Variants in SLC15A5 observed in about 807,000 individuals in gnomAD.
SLC15A5 encodes the protein Peptide/histidine transporter ENSP00000340402.
In SLC15A5, 58 loss-of-function variants were observed where a neutral mutation model predicts 56.1. The ratio of observed to expected loss-of-function variants is 1.03; its 90% CI spans 0.84 to 1.29. The LOEUF is 1.29. Among genes scored for constraint, SLC15A5 ranks in the 50% most tolerant of loss-of-function variants. The pLI is 0.00. For synonymous variants in SLC15A5, 264 were observed against 250.5 expected, an observed-to-expected ratio of 1.05 and a Z score of -0.51; for missense variants, 681 against 672.1, an observed-to-expected ratio of 1.01 and a Z score of -0.15.
At position 16,235,701 on chromosome 12, in the gene SLC15A5, C is replaced by T. The variant is rs1864346702; in HGVS notation, c.1162+3980G>A. On this transcript the variant is annotated intron_variant, in intron 5 of 8. Transcript: ENST00000344941. This position sits in a 1 kb window ranked among gnomAD's most constrained non-coding sequence, Gnocchi z 4.1. ...CCTATCAAGTATTTTACAATGGGTA[C>T]ATACCATGATGTTTCTTGGGAAAAT... Among the ~76,000 whole-genome samples the T allele has an allele frequency of 6.6e-6, 1 of 152,094 alleles. No homozygotes were observed. Among genetic ancestry groups the T allele is most frequent in the Admixed American group, 6.6e-5 (1 of 15,254 alleles).
chr12:16,240,091 T>G (rs1415519334), intron 4 of SLC15A5, among the ~76,000 whole-genome samples: 1 of 152,214 alleles, frequency 6.6e-6, no homozygotes, highest in Non-Finnish European at 1.5e-5. Flanking sequence ...CATGAAATAC[T>G]CTATCATCAT....
intron 3 of SLC15A5, among the ~76,000 whole-genome samples, chr12:16,253,189 A>G (rs1325630362): frequency 2.0e-5 from 3 of 152,174 alleles, no homozygotes; most frequent in South Asian, 2.1e-4. Flanking sequence ...GGAAGAAACT[A>G]TAGGGCAACA....
chr12:16,231,951 T>C (rs1864303783), intron 5 of SLC15A5, among the ~76,000 whole-genome samples: 1 of 152,222 alleles, frequency 6.6e-6, no homozygotes, highest in Non-Finnish European at 1.5e-5. Flanking sequence ...CATAATAATA[T>C]GACTGGTTCC....
Position 16,243,153 on chromosome 12 carries a change from A to G in SLC15A5, c.975+1427T>C, listed in dbSNP as rs1864428884. On this transcript the variant is annotated intron_variant, in intron 4 of 8. Transcript: ENST00000344941. This position sits in a 1 kb window ranked among gnomAD's most constrained non-coding sequence, Gnocchi z 4.4. ...AAACAAAGAGCATGGCTATGTTCTG[A>G]TAAAACTTCATTTATGGACGCTAAA... is the stretch of plus-strand genomic sequence containing the variant. Among the ~76,000 whole-genome samples the G allele has an allele frequency of 6.6e-6, 1 of 152,120 alleles. No individual in the cohort carries two copies. Among genetic ancestry groups the G allele is most frequent in the Admixed American group, 6.5e-5 (1 of 15,276 alleles).
chr12:16,247,908 G>A (rs1864478388), intron 3 of SLC15A5, among the ~76,000 whole-genome samples: 1 of 152,086 alleles, frequency 6.6e-6, no homozygotes, highest in Non-Finnish European at 1.5e-5. Flanking sequence ...TAGCTGCATG[G>A]ATAATGAATT....
intron 7 of SLC15A5, among the ~76,000 whole-genome samples, chr12:16,206,952 A>C (rs1864025516): frequency 6.6e-6 from 1 of 152,198 alleles, no homozygotes. Flanking sequence ...AAAACCCATC[A>C]AGATAGTGTG....
chr12:16,276,524 ATCTC>A (rs962822798), intron 1 of SLC15A5, among the ~76,000 whole-genome samples: 4 of 151,824 alleles, frequency 2.6e-5, no homozygotes, highest in Non-Finnish European at 5.9e-5. Flanking sequence ...AGATTTTCTG[ATCTC>A]TCTCTATTTA....
chr12:16,242,778 G>C (rs1020952430), intron 4 of SLC15A5, among the ~76,000 whole-genome samples: 1 of 152,184 alleles, frequency 6.6e-6, no homozygotes, highest in African/African-American at 2.4e-5. Flanking sequence ...GCATTATGAA[G>C]GTAAGGAACT....
chr12:16,190,340 A>G (rs566568678), intron 8 of SLC15A5, among the ~76,000 whole-genome samples: 1 of 152,282 alleles, frequency 6.6e-6, no homozygotes, highest in African/African-American at 2.4e-5. Context: ...AGATTAAGAA[A>G]CTGAAGTTTC....
intron 2 of SLC15A5, among the ~76,000 whole-genome samples, chr12:16,258,320 A>G (rs925624583): frequency 3.3e-5 from 5 of 152,220 alleles, no homozygotes; most frequent in Admixed American, 2.0e-4. Context: ...ATAGGAAAAC[A>G]CAAATACTCA....
At chr12:16,220,910 T>C (rs1483683594) in intron 6 of SLC15A5, among the ~76,000 whole-genome samples, 1 of 152,100 alleles carries the variant, frequency 6.6e-6, no homozygotes, top group Non-Finnish European at 1.5e-5. Flanking sequence ...TAAACAAACA[T>C]AGGGTATGAG....
chr12:16,247,528 C>T, intron 3 of SLC15A5, among the ~76,000 whole-genome samples: 1 of 152,136 alleles, frequency 6.6e-6, no homozygotes, highest in Non-Finnish European at 1.5e-5. Flanking sequence ...ATGATGAAAA[C>T]ACAGTGGGCT....
At chr12:16,201,365 A>C (rs551110910) in intron 7 of SLC15A5, among the ~76,000 whole-genome samples, 3 of 152,196 alleles carry the variant, frequency 2.0e-5, no homozygotes, top group Non-Finnish European at 4.4e-5. Flanking sequence ...TAGTATCAAA[A>C]CAGCATGGCA....
chr12:16,201,399 G>T (rs1863954100), intron 7 of SLC15A5, among the ~76,000 whole-genome samples: 1 of 152,086 alleles, frequency 6.6e-6, no homozygotes, highest in Non-Finnish European at 1.5e-5. Flanking sequence ...ATAGACAAAT[G>T]GACCAGAGTA....
intron 2 of SLC15A5, among the ~76,000 whole-genome samples, chr12:16,268,462 A>C (rs187408481): frequency 2.0e-5 from 3 of 152,212 alleles, no homozygotes; most frequent in African/African-American, 7.2e-5. Flanking sequence ...ACAAGCTACT[A>C]CTCCTCAGCA....
intron 3 of SLC15A5, among the ~76,000 whole-genome samples, chr12:16,245,592 C>T (rs1044471910): frequency 5.9e-5 from 9 of 152,140 alleles, no homozygotes; most frequent in African/African-American, 9.7e-5. Flanking sequence ...AAGAGACCCC[C>T]GTTTAGGCAG....
intron 7 of SLC15A5, among the ~76,000 whole-genome samples, chr12:16,206,059 G>A (rs1287791923): frequency 2.0e-5 from 3 of 152,152 alleles, no homozygotes; most frequent in Admixed American, 2.0e-4. Context: ...ACTTCACTAT[G>A]TGCTTTTTGC....
Position 16,239,153 on chromosome 12 carries a change from TG to T in SLC15A5, c.1162+527del, listed in dbSNP as rs148433601. Among the ~76,000 whole-genome samples, 342 of 152,356 alleles carry T rather than the reference TG, an allele frequency of 2.2e-3. 1 individual carries two copies. Among genetic ancestry groups the T allele is most frequent in the African/African-American group, 7.2e-3 (300 of 41,590 alleles). ...CAGGCAGAGGAGAATATGATCAGAA[TG>T]GACTTCCATCCTTCTCTCCCATTTC... On this transcript the variant is annotated intron_variant, in intron 5 of 8. Coordinates refer to ENST00000344941, the MANE Select transcript of SLC15A5 (RefSeq NM_001170798.1).
intron 5 of SLC15A5, among the ~76,000 whole-genome samples, chr12:16,232,801 A>G (rs1615129): frequency 6.6e-6 from 1 of 152,160 alleles, no homozygotes; most frequent in Non-Finnish European, 1.5e-5. Flanking sequence ...CTGTAATCCC[A>G]GCTACTCGGG....
Sources: allele counts gnomAD v4.1 joint callset (sites outside exome capture counted in the v4.1 genomes callset), GRCh38; gene constraint gnomAD v4.1.1; non-coding constraint Gnocchi (gnomAD v3.1); transcripts MANE v1.5; gene names NCBI Gene and HGNC (gene_info 2026-07-23, HGNC 2026-07-21).